The following OPCML variants were observed in gnomAD, a reference collection of about 807,000 sequenced individuals.
OPCML encodes opioid binding protein/cell adhesion molecule like, also known as opioid-binding protein/cell adhesion molecule.
OPCML carries 13 observed loss-of-function variants against 37.8 expected under a neutral mutation model. The observed-to-expected ratio is 0.34, with a 90% CI of 0.22 to 0.55. The LOEUF is 0.55. Ranked by LOEUF, OPCML falls within the 20% of genes least tolerant of loss-of-function variation. OPCML has a pLI of 0.91. For missense variants in OPCML, 341 were observed against 435.6 expected, an observed-to-expected ratio of 0.78 and a Z score of 1.93; for synonymous variants, 176 against 168.8, an observed-to-expected ratio of 1.04 and a Z score of -0.33.
At chr11:133,485,825 T>G (rs1947514434) in intron 1 of OPCML, among the ~76,000 whole-genome samples, 1 of 152,226 alleles carries the variant, frequency 6.6e-6, no homozygotes, top group Non-Finnish European at 1.5e-5. Flanking sequence ...CATTCCCAGC[T>G]GAGGTTAATC....
chr11:132,824,596 C>A (rs1940191008), intron 2 of OPCML, among the ~76,000 whole-genome samples: 1 of 152,224 alleles, frequency 6.6e-6, no homozygotes, highest in African/African-American at 2.4e-5. Context: ...ATCATCCCTT[C>A]ATCTCTGCTT....
chr11:133,466,131 T>C (rs1220199084), intron 1 of OPCML, among the ~76,000 whole-genome samples: 1 of 152,096 alleles, frequency 6.6e-6, no homozygotes, highest in Non-Finnish European at 1.5e-5. Context: ...TCTTCACCTA[T>C]CAACAATGGC....
intron 1 of OPCML, among the ~76,000 whole-genome samples, chr11:132,994,344 A>G (rs1946840584): frequency 6.6e-6 from 1 of 152,200 alleles, no homozygotes; most frequent in African/African-American, 2.4e-5. Flanking sequence ...ACAAAAGACT[A>G]AACCTACCAG....
At chr11:132,922,037 G>T (rs549542138) in intron 2 of OPCML, among the ~76,000 whole-genome samples, 2 of 151,796 alleles carry the variant, frequency 1.3e-5, no homozygotes, top group Admixed American at 1.3e-4. Flanking sequence ...CTGCCACTGC[G>T]CCCGGCTAAT....
chr11:132,837,389 A>C (rs73041435), intron 2 of OPCML, among the ~76,000 whole-genome samples: 10,176 of 152,256 alleles, frequency 0.067, 386 homozygotes, highest in Non-Finnish European at 0.075. Context: ...AGAGACTTTC[A>C]GTGGCCTTCT....
intron 1 of OPCML, among the ~76,000 whole-genome samples, chr11:133,461,937 A>C (rs1414963309): frequency 6.6e-6 from 1 of 151,974 alleles, no homozygotes; most frequent in African/African-American, 2.4e-5. Context: ...AGACGTTTAA[A>C]CCAACGGAGT....
At chr11:132,721,950 CT>C (rs34325848) in intron 2 of OPCML, among the ~76,000 whole-genome samples, 11,706 of 82,472 alleles carry the variant, frequency 0.14, 157 homozygotes, top group Non-Finnish European at 0.16. Context: ...CTTTCCTTCC[CT>C]TTTTTTTTTT....
At chr11:133,412,510 C>T (rs1262743540) in intron 1 of OPCML, among the ~76,000 whole-genome samples, 1 of 152,172 alleles carries the variant, frequency 6.6e-6, no homozygotes, top group African/African-American at 2.4e-5. Context: ...TCATCATCAA[C>T]CTCATGATAG....
intron 1 of OPCML, among the ~76,000 whole-genome samples, chr11:133,475,545 G>A (rs1947222290): frequency 6.6e-6 from 1 of 152,138 alleles, no homozygotes. Context: ...AAAGGAAAAG[G>A]AAGGATTTGA....
chr11:132,569,700 T>C (rs2096432818), intron 3 of OPCML, among the ~76,000 whole-genome samples: 1 of 152,182 alleles, frequency 6.6e-6, no homozygotes, highest in African/African-American at 2.4e-5. Context: ...TAGGCTGTCA[T>C]AGAAAATCTT....
chr11:132,429,413 A>T (rs1216190536), intron 7 of OPCML, among the ~76,000 whole-genome samples: 1 of 152,176 alleles, frequency 6.6e-6, no homozygotes, highest in Non-Finnish European at 1.5e-5. Context: ...GATAATGGAG[A>T]TGGAGAAGTC....
intron 1 of OPCML, among the ~76,000 whole-genome samples, chr11:133,032,540 G>A (rs928731623): frequency 7.9e-5 from 12 of 152,168 alleles, no homozygotes; most frequent in Non-Finnish European, 1.2e-4. Flanking sequence ...TCAAATGTAC[G>A]ATAGAATCTG....
chr11:133,328,637 C>G (rs549081933), intron 1 of OPCML, among the ~76,000 whole-genome samples: 1 of 152,264 alleles, frequency 6.6e-6, no homozygotes, highest in Admixed American at 6.5e-5. Context: ...CGGCCCCTAT[C>G]CTCGACTAGC....
intron 4 of OPCML, among the ~76,000 whole-genome samples, chr11:132,519,921 G>A (rs906774874): frequency 2.0e-5 from 3 of 152,146 alleles, no homozygotes; most frequent in Non-Finnish European, 2.9e-5. Flanking sequence ...ATTAGTGGCT[G>A]GAACTGTTAC....
chr11:132,945,664 TTTGAA>T (rs1277526420), intron 1 of OPCML, among the ~76,000 whole-genome samples: 2 of 152,166 alleles, frequency 1.3e-5, no homozygotes, highest in African/African-American at 2.4e-5. Flanking sequence ...CTTTATACAC[TTTGAA>T]TTATTTTAAC....
chr11:132,490,308 T>C (rs1025203672), intron 4 of OPCML, among the ~76,000 whole-genome samples: 1 of 151,932 alleles, frequency 6.6e-6, no homozygotes, highest in African/African-American at 2.4e-5. Flanking sequence ...AATCACTTAT[T>C]TTCCATACCC....
chr11:133,231,572 C>T (rs1192132515), intron 1 of OPCML, among the ~76,000 whole-genome samples: 2 of 152,168 alleles, frequency 1.3e-5, no homozygotes, highest in Non-Finnish European at 2.9e-5. Flanking sequence ...GCACCTCTCA[C>T]AGCACCTAGC....
chr11:132,871,762 T>C (rs1942802887), intron 2 of OPCML, among the ~76,000 whole-genome samples: 1 of 152,258 alleles, frequency 6.6e-6, no homozygotes, highest in Admixed American at 6.5e-5. Flanking sequence ...CTGCTGTTTC[T>C]AGAACTGTCT....
At chr11:133,060,563 G>T (rs1169498203) in intron 1 of OPCML, among the ~76,000 whole-genome samples, 1 of 152,210 alleles carries the variant, frequency 6.6e-6, no homozygotes, top group African/African-American at 2.4e-5. Flanking sequence ...GGCAGGGTGT[G>T]GAGGGGAGGG....
Sources: allele counts gnomAD v4.1 joint callset (sites outside exome capture counted in the v4.1 genomes callset), GRCh38; gene constraint gnomAD v4.1.1; transcripts MANE v1.5; gene names NCBI Gene and HGNC (gene_info 2026-07-23, HGNC 2026-07-21).